The following SYNE1 variants were observed in gnomAD, a reference collection of about 807,000 sequenced individuals.
SYNE1 encodes the protein nesprin-1.
A neutral mutation model predicts 1,111.0 loss-of-function variants in SYNE1; 616 were observed. That is an observed-to-expected ratio of 0.55 (90% confidence interval 0.52 to 0.59). The LOEUF (loss-of-function observed/expected upper bound fraction) is 0.59. Among genes scored for constraint, SYNE1 ranks in the 20% least tolerant of loss-of-function variants. The pLI is 0.00. For synonymous variants in SYNE1, 3,855 were observed against 3,825.8 expected, an observed-to-expected ratio of 1.01 and a Z score of -0.28; for missense variants, 10,006 against 10,417.0, an observed-to-expected ratio of 0.96 and a Z score of 1.72.
intron 137 of SYNE1, chr6:152,145,262 C>T: frequency 5.1e-6 from 3 of 587,136 alleles, no homozygotes; most frequent in Non-Finnish European, 6.1e-6. Context: ...TGAGACCAAT[C>T]ACCATTTAAC....
rs747104679 is a variant in SYNE1, at chr6:152,255,635, C to T, written c.19216G>A (p.Ala6406Thr). ...DVEERLFVAT[A>T]LLPEETETCL... ...GTCTCTGTTTCTTCTGGTAAAAGTG[C>T]TGTGGCAACAAATAAACGTTCTTCA... The change falls in exon 103 of 146, where the codon GCA becomes ACA. Residue 6406 changes from alanine (A) to threonine (T), a missense_variant. Ala to Thr is a moderately conservative substitution (Grantham distance 58). Transcript: ENST00000367255. 1.9e-6 allele frequency: 3 copies of T among 1,614,064 alleles called. No individual in the cohort carries two copies. The highest frequency in any genetic ancestry group is 2.7e-5 in the African/African-American group (2 of 74,918).
rs544878692 is a variant in SYNE1, at chr6:152,331,968, A to G, written c.12795-78T>C. On this transcript the variant is annotated intron_variant, in intron 77 of 145. Coordinates refer to ENST00000367255, the MANE Select transcript of SYNE1 (RefSeq NM_182961.4). ...GTTTGTTCATACTATGCTAAATTAC[A>G]CTTCACCATTTTCTTTTTGGAGACT... 3 of 1,584,730 alleles carry G rather than the reference A, an allele frequency of 1.9e-6. No homozygotes were observed. In the African/African-American group the frequency reaches 4.0e-5, roughly 21 times the overall value.
intron 4 of SYNE1, among the ~76,000 whole-genome samples, chr6:152,528,384 A>T (rs950853353): frequency 6.6e-6 from 1 of 152,216 alleles, no homozygotes; most frequent in African/African-American, 2.4e-5. Flanking sequence ...AAAAAAAATT[A>T]GTAATTACTG....
chr6:152,606,651 G>GTTTGTTTGTTTT (rs10692955), intron 3 of SYNE1, among the ~76,000 whole-genome samples: 14,795 of 151,814 alleles, frequency 0.097, 828 homozygotes, highest in African/African-American at 0.15. Flanking sequence ...TTTTTTGTTT[G>GTTTGTTTGTTTT]TTTGTTTGTT....
At chr6:152,195,453 T>G (rs2073852830) in intron 127 of SYNE1, among the ~76,000 whole-genome samples, 1 of 152,178 alleles carries the variant, frequency 6.6e-6, no homozygotes, top group Non-Finnish European at 1.5e-5. Context: ...TTCCAGGTAT[T>G]TGAAGGGACC....
chr6:152,391,452 C>G lies in SYNE1; in HGVS notation c.7829G>C (p.Arg2610Thr). ...GCTCCGGAGTTTCTCTTTGGTCATT[C>G]TAAGTAGGTTCTGGTGGCTTGTGAG... ...QLLTSHQNLL[R>T]MTKEKLRSCQ... The change falls in exon 52 of 146, where the codon AGA becomes ACA. Residue 2610 changes from arginine to threonine, a missense_variant. Physicochemically the swap from Arg to Thr is moderately conservative, Grantham distance 71. This residue lies in a region of SYNE1 where 4,955 missense variants were observed against 5,017.2 expected (regional missense o/e 0.99). Coordinates refer to ENST00000367255, the MANE Select transcript of SYNE1 (RefSeq NM_182961.4). 1 of 1,613,878 alleles carries G rather than the reference C, an allele frequency of 6.2e-7. No homozygotes were observed. Among genetic ancestry groups the G allele is most frequent in the Non-Finnish European group, 8.5e-7 (1 of 1,179,952 alleles).
chr6:152,492,264 T>A (rs938530481), intron 11 of SYNE1, among the ~76,000 whole-genome samples: 7 of 152,172 alleles, frequency 4.6e-5, no homozygotes, highest in African/African-American at 1.7e-4. Flanking sequence ...AAAATTAGAT[T>A]CTGGCCCTCA....
chr6:152,576,023 C>A (rs2099495177), intron 3 of SYNE1, among the ~76,000 whole-genome samples: 1 of 152,252 alleles, frequency 6.6e-6, no homozygotes, highest in South Asian at 2.1e-4. Context: ...GGCTAATCAG[C>A]AAACGTGCCT....
chr6:152,382,294 G>T (rs917746515), intron 55 of SYNE1, among the ~76,000 whole-genome samples: 4 of 151,976 alleles, frequency 2.6e-5, no homozygotes, highest in Non-Finnish European at 5.9e-5. Context: ...AGATAATCAG[G>T]CACAAAAATG....
At chr6:152,251,688 G>A (rs559821125) in intron 104 of SYNE1, among the ~76,000 whole-genome samples, 1 of 151,842 alleles carries the variant, frequency 6.6e-6, no homozygotes, top group African/African-American at 2.4e-5. Context: ...GAACCTGGGA[G>A]GCGGAGCTTG....
chr6:152,242,440 C>A lies in SYNE1; in HGVS notation c.19693G>T (p.Asp6565Tyr). The A allele has an allele frequency of 6.2e-7, 1 of 1,613,916 alleles. No individual in the cohort carries two copies. Among genetic ancestry groups the A allele is most frequent in the Non-Finnish European group, 8.5e-7 (1 of 1,179,960 alleles). Residue 6565 changes from aspartate to tyrosine, a missense_variant and splice_region_variant, in exon 107 of 146, where the codon GAC becomes TAC. Coordinates refer to ENST00000367255, the MANE Select transcript of SYNE1 (RefSeq NM_182961.4). ...PSMQELSKLQ[D>Y]MYDELMMIIG... ...ATCATCATCAGCTCATCATACATGT[C>A]CTAAGAAGCAGAGACCACAAGACTC...
At chr6:152,244,092 AC>A (rs2086475478) in intron 106 of SYNE1, among the ~76,000 whole-genome samples, 1 of 152,204 alleles carries the variant, frequency 6.6e-6, no homozygotes, top group African/African-American at 2.4e-5. Flanking sequence ...TGGAGGATAA[AC>A]TATAGTGCTT....
At chr6:152,533,597 T>A in intron 4 of SYNE1, among the ~76,000 whole-genome samples, 1 of 152,088 alleles carries the variant, frequency 6.6e-6, no homozygotes, top group East Asian at 1.9e-4. Flanking sequence ...ACTATCTTGG[T>A]CCAAGTCACC....
chr6:152,554,112 G>A (rs1326325936), intron 3 of SYNE1, among the ~76,000 whole-genome samples: 1 of 152,040 alleles, frequency 6.6e-6, no homozygotes, highest in Non-Finnish European at 1.5e-5. Context: ...AGCTGGGAAT[G>A]AGGGCCTCAG....
chr6:152,200,534 A>T (rs1255066080), intron 127 of SYNE1, among the ~76,000 whole-genome samples: 4 of 152,106 alleles, frequency 2.6e-5, no homozygotes, highest in African/African-American at 7.2e-5. Flanking sequence ...AGTAGCTAGG[A>T]CTACAGGCAA....
At chr6:152,187,453 C>G (rs2070498832) in intron 128 of SYNE1, among the ~76,000 whole-genome samples, 1 of 152,062 alleles carries the variant, frequency 6.6e-6, no homozygotes, top group African/African-American at 2.4e-5. Context: ...GATCCCAGGG[C>G]AGCACAATTG....
chr6:152,130,380 T>A (rs1466852357), intron 145 of SYNE1, among the ~76,000 whole-genome samples: 1 of 152,196 alleles, frequency 6.6e-6, no homozygotes, highest in Non-Finnish European at 1.5e-5. Context: ...TTGTAAACTC[T>A]AGAAATAAAG....
chr6:152,253,807 G>A, intron 104 of SYNE1, among the ~76,000 whole-genome samples: 1 of 59,056 alleles, frequency 1.7e-5, no homozygotes, highest in African/African-American at 4.8e-5. Flanking sequence ...ACATTTATGT[G>A]TAGTGGTTTG....
chr6:152,360,172 A>G (rs1029349207), intron 64 of SYNE1, among the ~76,000 whole-genome samples: 1 of 152,202 alleles, frequency 6.6e-6, no homozygotes, highest in Non-Finnish European at 1.5e-5. Flanking sequence ...TTATCGTCCC[A>G]ATGCTGCCGG....
Sources: allele counts gnomAD v4.1 joint callset (sites outside exome capture counted in the v4.1 genomes callset), GRCh38; gene constraint gnomAD v4.1.1; regional missense constraint gnomAD v4.1.1; transcripts MANE v1.5; gene names NCBI Gene and HGNC (gene_info 2026-07-23, HGNC 2026-07-21).